C9orf153: variants seen among roughly 807,000 people sequenced by gnomAD.
C9orf153 encodes chromosome 9 open reading frame 153, also known as uncharacterized protein C9orf153.
In C9orf153, 10 loss-of-function variants were observed where a neutral mutation model predicts 9.0. That is an observed-to-expected ratio of 1.11 (90% CI 0.69 to 1.89). The LOEUF is 1.89. Among genes scored for constraint, C9orf153 ranks in the 40% most tolerant of loss-of-function variants. C9orf153 has a pLI of 0.00. For synonymous variants in C9orf153, 35 were observed against 37.3 expected, an observed-to-expected ratio of 0.94 and a Z score of 0.23; for missense variants, 108 against 111.0, an observed-to-expected ratio of 0.97 and a Z score of 0.12.
At chr9:86,241,037 C>T (rs1049214619) in intron 1 of C9orf153, among the ~76,000 whole-genome samples, 1 of 151,946 alleles carries the variant, frequency 6.6e-6, no homozygotes, top group Non-Finnish European at 1.5e-5. Context: ...CCCCTACCCC[C>T]TCTCCCCTGG....
chr9:86,228,087 G>A, intron 2 of C9orf153, 57 bp from the exon 3 acceptor site: 1 of 1,301,128 alleles, frequency 7.7e-7, no homozygotes, highest in Non-Finnish European at 1.1e-6. Context: ...TAATATTCTG[G>A]CAGACCTACA....
chr9:86,233,308 CAGT>C (rs1035458084), intron 1 of C9orf153, among the ~76,000 whole-genome samples: 3 of 152,296 alleles, frequency 2.0e-5, no homozygotes, highest in African/African-American at 7.2e-5. Context: ...ATGTAATCTT[CAGT>C]ATAATGACAT....
rs1340153497 is a variant in C9orf153, at chr9:86,220,308, A to T, written c.*1380T>A. Reference sequence around the variant, plus strand: ...TATCTACACAATCATACACACATATATTGTTAACAATTTGCTTGCCATTAT... The same window carrying T: ...TATCTACACAATCATACACACATATTTTGTTAACAATTTGCTTGCCATTAT... On this transcript the variant is annotated 3_prime_UTR_variant, in exon 4 of 4. Transcript: ENST00000339137. 2.0e-5 allele frequency: 3 copies of T among 152,218 alleles called. No homozygotes were observed. The highest frequency in any genetic ancestry group is 2.1e-4 in the South Asian group (1 of 4,836). 9.4% of individuals were successfully genotyped at this position (152,218 alleles called of 1,614,324 possible). A position where few individuals can be genotyped will look rare whatever the true frequency, so the allele number is the denominator to read the frequency against.
chr9:86,225,358 C>T (rs1161459059), intron 3 of C9orf153, among the ~76,000 whole-genome samples: 1 of 151,048 alleles, frequency 6.6e-6, no homozygotes, highest in African/African-American at 2.4e-5. Flanking sequence ...TTCCTTCCTT[C>T]CTTCCTTCTT....
At position 86,228,048 on chromosome 9, in the gene C9orf153, A is replaced by G. The variant is rs1213443665; in HGVS notation, c.67-18T>C. ...TCTGGAAGCTGTGGACAAAAAAAAA[A>G]GTGGTAAGTCACGAGACTGACAAAA... On this transcript the variant is annotated intron_variant, in intron 2 of 3. Coordinates refer to ENST00000339137, the MANE Select transcript of C9orf153 (RefSeq NM_001276366.4). The G allele has an allele frequency of 1.3e-6, 2 of 1,556,474 alleles. No individual in the cohort carries two copies. Among genetic ancestry groups the G allele is most frequent in the Non-Finnish European group, 1.7e-6 (2 of 1,148,374 alleles).
intron 1 of C9orf153, among the ~76,000 whole-genome samples, chr9:86,255,707 C>T (rs1825109165): frequency 6.6e-6 from 1 of 152,182 alleles, no homozygotes. Flanking sequence ...ACCCACTGGG[C>T]GTTTGGAGCA....
At chr9:86,227,462 T>C in intron 3 of C9orf153, 1 of 1,426,922 alleles carries the variant, frequency 7.0e-7, no homozygotes, top group Non-Finnish European at 9.2e-7. Context: ...TGTAGGTCAG[T>C]ATTGGACCAT....
chr9:86,222,914 T>C (rs1824238297), intron 3 of C9orf153, among the ~76,000 whole-genome samples: 1 of 152,144 alleles, frequency 6.6e-6, no homozygotes, highest in Admixed American at 6.5e-5. Context: ...CTCCAATCAG[T>C]CCTCCATCCC....
intron 1 of C9orf153, among the ~76,000 whole-genome samples, chr9:86,245,540 A>T (rs1313221979): frequency 6.6e-6 from 1 of 152,152 alleles, no homozygotes; most frequent in African/African-American, 2.4e-5. Context: ...TTCACTTAGC[A>T]TGATGTCCTC....
chr9:86,228,045 A>T lies in C9orf153; in HGVS notation c.67-15T>A, dbSNP rs370316293. On this transcript the variant is annotated splice_polypyrimidine_tract_variant and intron_variant, in intron 2 of 3. Coordinates refer to ENST00000339137, the MANE Select transcript of C9orf153 (RefSeq NM_001276366.4). ...AATTCTGGAAGCTGTGGACAAAAAA[A>T]AAAGTGGTAAGTCACGAGACTGACA... is the stretch of plus-strand genomic sequence containing the variant. 1.1e-5 allele frequency: 18 copies of T among 1,569,808 alleles called. No individual in the cohort carries two copies. The African/African-American group carries it at 2.5e-4, about 21-fold the overall frequency.
Position 86,221,706 on chromosome 9 carries a change from A to G in C9orf153, c.270T>C (p.Ser90=). The change falls in exon 4 of 4, where the codon TCT becomes TCC. Residue 90 remains serine (S), a synonymous_variant. Coordinates refer to ENST00000339137, the MANE Select transcript of C9orf153 (RefSeq NM_001276366.4). ...IRKTIHESKG[S]GMEIF ...AAGCCCCTTAAAATATCTCCATTCC[A>G]GATCCCTTAGATTCATGAATTGTTT... is the stretch of plus-strand genomic sequence containing the variant. 1 of 1,548,936 alleles carries G rather than the reference A, an allele frequency of 6.5e-7. No individual in the cohort carries two copies. The highest frequency in any genetic ancestry group is 8.7e-7 in the Non-Finnish European group (1 of 1,145,518).
intron 1 of C9orf153, among the ~76,000 whole-genome samples, chr9:86,241,380 G>A (rs1824740583): frequency 6.6e-6 from 1 of 152,142 alleles, no homozygotes; most frequent in Admixed American, 6.5e-5. Flanking sequence ...TCTCCAGGTG[G>A]GGGATCCCCA....
At chr9:86,228,364 G>A (rs1464694197) in intron 2 of C9orf153, among the ~76,000 whole-genome samples, 1 of 152,186 alleles carries the variant, frequency 6.6e-6, no homozygotes, top group Middle Eastern at 3.2e-3. Context: ...ACCACGGAGA[G>A]AAATAGCTGT....
intron 3 of C9orf153, among the ~76,000 whole-genome samples, chr9:86,224,190 C>T (rs1401965613): frequency 1.3e-5 from 2 of 151,986 alleles, no homozygotes; most frequent in African/African-American, 2.4e-5. Flanking sequence ...AGTTCAAGAC[C>T]AGCCTGGGCA....
chr9:86,227,491 G>A (rs945573817), intron 3 of C9orf153: 5 of 1,381,028 alleles, frequency 3.6e-6, no homozygotes, highest in Non-Finnish European at 4.7e-6. Flanking sequence ...TAGTAAATTT[G>A]CAATGAGATT....
intron 1 of C9orf153, among the ~76,000 whole-genome samples, chr9:86,236,943 A>T (rs1395850401): frequency 6.6e-6 from 1 of 151,414 alleles, no homozygotes; most frequent in Non-Finnish European, 1.5e-5. Flanking sequence ...TCTAAATAAA[A>T]AAAAAAAAAA....
rs571974321 is a variant in C9orf153, at chr9:86,220,472, G to T, written c.*1216C>A. 1 of 152,274 alleles carries T rather than the reference G, an allele frequency of 6.6e-6. No homozygotes were observed. The highest frequency in any genetic ancestry group is 2.1e-4 in the South Asian group (1 of 4,826). 9.4% of individuals were successfully genotyped at this position (152,274 alleles called of 1,614,324 possible). ...TATTTTACCCCCTACTCCTCAGAGA[G>T]AGTTTGGCTGCTTATAGAATTACAG... is the stretch of plus-strand genomic sequence containing the variant. On this transcript the variant is annotated 3_prime_UTR_variant, in exon 4 of 4. Coordinates refer to ENST00000339137, the MANE Select transcript of C9orf153 (RefSeq NM_001276366.4).
chr9:86,248,576 G>C (rs1015967212), intron 1 of C9orf153, among the ~76,000 whole-genome samples: 1 of 152,122 alleles, frequency 6.6e-6, no homozygotes, highest in African/African-American at 2.4e-5. Context: ...ATGCTGAGTT[G>C]GGGGCCTTGC....
At position 86,250,719 on chromosome 9, in the gene C9orf153, G is replaced by GTT. The variant is rs11389201; in HGVS notation, c.-27+8829_-27+8830dup. Among the ~76,000 whole-genome samples the GTT allele has an allele frequency of 5.6e-3, 850 of 151,926 alleles. 14 individuals carry two copies. Among genetic ancestry groups the GTT allele is most frequent in the East Asian group, 0.049 (256 of 5,182 alleles). ...TTGTCCTAGAAGGTAATTCTTTGTT[G>GTT]TTTTTTTACGGAGAAACTCTACTGG... On this transcript the variant is annotated intron_variant, in intron 1 of 3. Coordinates refer to ENST00000339137, the MANE Select transcript of C9orf153 (RefSeq NM_001276366.4).
Sources: allele counts gnomAD v4.1 joint callset (sites outside exome capture counted in the v4.1 genomes callset), GRCh38; gene constraint gnomAD v4.1.1; transcripts MANE v1.5; gene names NCBI Gene and HGNC (gene_info 2026-07-23, HGNC 2026-07-21).